RAD23B: variants seen among roughly 807,000 people sequenced by gnomAD.
RAD23B encodes RAD23 nucleotide excision repair protein B.
RAD23B carries 5 observed loss-of-function variants against 49.1 expected under a neutral mutation model. That is an observed-to-expected ratio of 0.10 (90% confidence interval 0.05 to 0.21). The LOEUF (loss-of-function observed/expected upper bound fraction) is 0.21. Among genes scored for constraint, RAD23B ranks in the 10% least tolerant of loss-of-function variants. RAD23B has a pLI of 1.00. For missense variants in RAD23B, 356 were observed against 486.7 expected, an observed-to-expected ratio of 0.73 and a Z score of 2.53; for synonymous variants, 184 against 165.4, an observed-to-expected ratio of 1.11 and a Z score of -0.86.
At chr9:107,287,447 C>G (rs923839723) in intron 1 of RAD23B, among the ~76,000 whole-genome samples, 1 of 152,164 alleles carries the variant, frequency 6.6e-6, no homozygotes, top group African/African-American at 2.4e-5. Context: ...TCTACATATA[C>G]ATTGGATGTT....
intron 5 of RAD23B, among the ~76,000 whole-genome samples, chr9:107,313,841 G>T (rs1455647462): frequency 6.6e-6 from 1 of 151,612 alleles, no homozygotes; most frequent in African/African-American, 2.4e-5. Context: ...GCCTCTTTTG[G>T]CCCAGTAAGT....
At position 107,321,927 on chromosome 9, in the gene RAD23B, T is replaced by C. The variant is rs547899336; in HGVS notation, c.682-56T>C. The C allele has an allele frequency of 2.0e-6, 3 of 1,497,758 alleles. No homozygotes were observed. The East Asian group carries it at 7.2e-5, about 36-fold the overall frequency. 92.8% of individuals were successfully genotyped at this position (1,497,758 alleles called of 1,614,324 possible). A position where few individuals can be genotyped will look rare whatever the true frequency, so the allele number is the denominator to read the frequency against. ...AATAGACTATAAATCTTTTACTCTG[T>C]ATAATATTTAATTTTGCATGATGGG... On this transcript the variant is annotated intron_variant, in intron 6 of 9. Transcript: ENST00000358015.
intron 4 of RAD23B, among the ~76,000 whole-genome samples, chr9:107,310,524 C>T (rs1025871333): frequency 6.6e-6 from 1 of 152,104 alleles, no homozygotes; most frequent in Non-Finnish European, 1.5e-5. Context: ...GTTAAAAAAA[C>T]ACCAAAGCAA....
At chr9:107,292,161 ATATT>A (rs1033606011) in intron 1 of RAD23B, among the ~76,000 whole-genome samples, 6 of 150,760 alleles carry the variant, frequency 4.0e-5, no homozygotes, top group African/African-American at 1.4e-4. Context: ...ATAGTTATAA[ATATT>A]CATTTATATT....
Position 107,331,372 on chromosome 9 carries a change from G to A in RAD23B, c.*1716G>A, listed in dbSNP as rs944385732. On this transcript the variant is annotated 3_prime_UTR_variant, in exon 10 of 10. Transcript: ENST00000358015. Reference sequence around the variant, plus strand: ...ACAAAAAATAGCCAGGCATGGTGGCGCACGCCTGTGGTCCCAGCTACTTGG... The same window carrying A: ...ACAAAAAATAGCCAGGCATGGTGGCACACGCCTGTGGTCCCAGCTACTTGG... 37 of 269,128 alleles carry A rather than the reference G, an allele frequency of 1.4e-4. No individual in the cohort carries two copies. The highest frequency in any genetic ancestry group is 2.5e-4 in the Non-Finnish European group (36 of 143,686). The allele number at this position is 269,128 out of a possible 1,614,324, so 16.7% of individuals were successfully genotyped here. A position where few individuals can be genotyped will look rare whatever the true frequency, so the allele number is the denominator to read the frequency against.
In RAD23B at chr9:107,283,664, C is replaced by G; in HGVS notation, c.35C>G (p.Thr12Ser). Residue 12 changes from threonine (T) to serine (S), a missense_variant, in exon 1 of 10, where the codon ACC becomes AGC. This residue lies in a region of RAD23B where 31 missense variants were observed against 23.5 expected (regional missense o/e 1.32). Transcript: ENST00000358015. ...ACCCTGAAGACCCTCCAGCAGCAGA[C>G]CTTCAAGATAGACATTGACCCCGAG... ...QVTLKTLQQQ[T>S]FKIDIDPEET... 4 of 1,484,132 alleles carry G rather than the reference C, an allele frequency of 2.7e-6. No homozygotes were observed. Among genetic ancestry groups the G allele is most frequent in the Non-Finnish European group, 3.6e-6 (4 of 1,115,150 alleles). The allele number at this position is 1,484,132 out of a possible 1,614,324, so 91.9% of individuals were successfully genotyped here. A position where few individuals can be genotyped will look rare whatever the true frequency, so the allele number is the denominator to read the frequency against.
At position 107,283,705 on chromosome 9, in the gene RAD23B, C is replaced by T. The variant is rs749030309; in HGVS notation, c.66+10C>T. 2.1e-6 allele frequency: 3 copies of T among 1,458,094 alleles called. No individual in the cohort carries two copies. Among genetic ancestry groups the T allele is most frequent in the South Asian group, 1.3e-5 (1 of 76,400 alleles). 90.3% of individuals were successfully genotyped at this position (1,458,094 alleles called of 1,614,324 possible). A position where few individuals can be genotyped will look rare whatever the true frequency, so the allele number is the denominator to read the frequency against. ...TGACCCCGAGGAGACGGTATGCGCGCGGGCCGGGGGCAGGGGCAGCCGCGT... is the reference window on the plus strand; with the variant it reads ...TGACCCCGAGGAGACGGTATGCGCGTGGGCCGGGGGCAGGGGCAGCCGCGT... On this transcript the variant is annotated intron_variant, in intron 1 of 9. Transcript: ENST00000358015.
intron 9 of RAD23B, among the ~76,000 whole-genome samples, chr9:107,328,583 C>G (rs775723595): frequency 2.7e-5 from 4 of 149,684 alleles, no homozygotes; most frequent in Non-Finnish European, 6.0e-5. Context: ...AGACGGAGCT[C>G]AGGTGGTAAT....
At chr9:107,306,753 G>T in intron 4 of RAD23B, 106 bp downstream of exon 4, 1 of 1,269,002 alleles carries the variant, frequency 7.9e-7, no homozygotes. Flanking sequence ...TATCTATTAC[G>T]TTAAGCTTTT....
At chr9:107,324,755 G>A in intron 8 of RAD23B, 79 bp from the exon 9 acceptor site, 1 of 1,355,672 alleles carries the variant, frequency 7.4e-7, no homozygotes, top group East Asian at 2.4e-5. Flanking sequence ...TTTTCTCTTA[G>A]TAATATTTAG....
intron 1 of RAD23B, among the ~76,000 whole-genome samples, chr9:107,290,602 T>G (rs920179109): frequency 1.3e-5 from 2 of 152,224 alleles, no homozygotes; most frequent in African/African-American, 4.8e-5. Flanking sequence ...TTTCTCCTCT[T>G]TATTAAAATG....
At chr9:107,301,876 G>A (rs1472935257) in intron 2 of RAD23B, among the ~76,000 whole-genome samples, 159 bp from the exon 3 acceptor site, 1 of 151,936 alleles carries the variant, frequency 6.6e-6, no homozygotes. Context: ...TTGATTGATT[G>A]GTTTTTCTTT....
intron 7 of RAD23B, 118 bp from the exon 8 acceptor site, chr9:107,323,772 C>A: frequency 1.0e-6 from 1 of 984,796 alleles, no homozygotes; most frequent in Non-Finnish European, 1.6e-6. Flanking sequence ...CATTTTATTA[C>A]ATCTGAGAAC....
intron 1 of RAD23B, chr9:107,284,645 G>GTGA (rs1460256233): frequency 1.1e-6 from 1 of 915,744 alleles, no homozygotes; most frequent in African/African-American, 1.7e-5. Context: ...TAAAAACGCT[G>GTGA]TGAGTGTAAA....
At chr9:107,316,974 G>A (rs1827010336) in intron 5 of RAD23B, among the ~76,000 whole-genome samples, 1 of 152,178 alleles carries the variant, frequency 6.6e-6, no homozygotes, top group Admixed American at 6.5e-5. Flanking sequence ...TTGTGTAAAG[G>A]CCCTGGGGCA....
At chr9:107,321,366 G>C (rs1827108226) in intron 6 of RAD23B, among the ~76,000 whole-genome samples, 1 of 152,126 alleles carries the variant, frequency 6.6e-6, no homozygotes. Context: ...CTTTCTGAGT[G>C]ACACTTTCTC....
chr9:107,290,814 A>C (rs1364721115), intron 1 of RAD23B, among the ~76,000 whole-genome samples: 1 of 152,190 alleles, frequency 6.6e-6, no homozygotes. Flanking sequence ...TCATTTTCTT[A>C]GATTGACATA....
rs908080037 is a variant in RAD23B at position 107,318,997 on chromosome 9, C to CTT, written c.681+127_681+128dup. ...TATATGCTAGATGATATACATAATG[C>CTT]TTTTTTTTTTCTAGTATGTTTGTAT... On this transcript the variant is annotated intron_variant, in intron 6 of 9. Coordinates refer to ENST00000358015, the MANE Select transcript of RAD23B (RefSeq NM_002874.5). The surrounding 1 kb of genome is among the most constrained non-coding windows in gnomAD (Gnocchi z 4.3). The CTT allele has an allele frequency of 1.7e-5, 15 of 882,520 alleles. No homozygotes were observed. The highest frequency in any genetic ancestry group is 2.2e-5 in the Non-Finnish European group (14 of 647,534). The allele number at this position is 882,520 out of a possible 1,614,324, so 54.7% of individuals were successfully genotyped here. A position where few individuals can be genotyped will look rare whatever the true frequency, so the allele number is the denominator to read the frequency against.
intron 2 of RAD23B, among the ~76,000 whole-genome samples, chr9:107,300,749 C>T (rs1267211459): frequency 6.6e-6 from 1 of 152,126 alleles, no homozygotes; most frequent in Non-Finnish European, 1.5e-5. Context: ...ACTAGCCTCA[C>T]TAATAACCAG....
Sources: gnomAD v4.1 joint callset for allele counts (sites outside exome capture counted in the v4.1 genomes callset) on GRCh38, gnomAD v4.1.1 for gene constraint, gnomAD v4.1.1 regional missense constraint, Gnocchi (gnomAD v3.1) non-coding constraint, MANE v1.5 for transcripts, NCBI Gene and HGNC (gene_info 2026-07-23, HGNC 2026-07-21) for gene names.